XYLT1: variants seen among roughly 807,000 people sequenced by gnomAD.
The protein encoded by XYLT1 is xylosyltransferase 1.
XYLT1 carries 36 observed loss-of-function variants against 91.3 expected under a neutral mutation model. The ratio of observed to expected loss-of-function variants is 0.39; its 90% confidence interval spans 0.30 to 0.52. The LOEUF (loss-of-function observed/expected upper bound fraction) is 0.52, where lower values mean the gene tolerates loss of function less well. Among genes scored for constraint, XYLT1 ranks in the 20% least tolerant of loss-of-function variants. XYLT1 has a pLI of 0.68. For synonymous variants in XYLT1, 588 were observed against 532.0 expected, an observed-to-expected ratio of 1.11 and a Z score of -1.45; for missense variants, 1,242 against 1,284.5, an observed-to-expected ratio of 0.97 and a Z score of 0.51.
intron 10 of XYLT1, among the ~76,000 whole-genome samples, chr16:17,120,698 C>G (rs2030017909): frequency 6.6e-6 from 1 of 152,128 alleles, no homozygotes; most frequent in African/African-American, 2.4e-5. Flanking sequence ...CTCTCTCTCT[C>G]CAGATCTAGA....
Position 17,134,497 on chromosome 16 carries a change from T to A in XYLT1, c.2003A>T (p.His668Leu). ...CCGGCAGCTGTTCTCCCCATCCGTGTGCAGGGACGTCTCGGCCCGTCGAAG... is the reference window on the plus strand; with the variant it reads ...CCGGCAGCTGTTCTCCCCATCCGTGAGCAGGGACGTCTCGGCCCGTCGAAG... ...LGLRRAETSL[H>L]TDGENSCRYY... Residue 668 changes from histidine (H) to leucine (L), a missense_variant, in exon 9 of 12, where the codon CAC (histidine) becomes CTC (leucine). His to Leu is a moderately conservative substitution (Grantham distance 99, BLOSUM62 -3). Coordinates refer to ENST00000261381, the MANE Select transcript of XYLT1 (RefSeq NM_022166.4). 1 of 1,614,154 alleles carries A rather than the reference T, an allele frequency of 6.2e-7. No individual in the cohort carries two copies. The highest frequency in any genetic ancestry group is 1.1e-5 in the South Asian group (1 of 91,084).
chr16:17,240,787 T>A (rs1245445750), intron 3 of XYLT1, among the ~76,000 whole-genome samples: 1 of 152,196 alleles, frequency 6.6e-6, no homozygotes, highest in Non-Finnish European at 1.5e-5. Flanking sequence ...GTATTACACA[T>A]CATTCCATTT....
intron 10 of XYLT1, among the ~76,000 whole-genome samples, chr16:17,124,478 C>G (rs1480207669): frequency 6.6e-6 from 1 of 152,186 alleles, no homozygotes; most frequent in Non-Finnish European, 1.5e-5. Context: ...TGTGAGAAAT[C>G]TGCTGTTAAT....
At chr16:17,351,886 G>A (rs2035225805) in intron 2 of XYLT1, among the ~76,000 whole-genome samples, 1 of 152,134 alleles carries the variant, frequency 6.6e-6, no homozygotes. Flanking sequence ...GCTCATGCCT[G>A]CAATTCCAGC....
At chr16:17,412,240 C>T (rs990370052) in intron 1 of XYLT1, among the ~76,000 whole-genome samples, 12 of 152,048 alleles carry the variant, frequency 7.9e-5, no homozygotes, top group Non-Finnish European at 1.5e-4. Flanking sequence ...AGCCACCGTG[C>T]AGCCCAGGTC....
At chr16:17,407,477 T>C (rs115536112) in intron 1 of XYLT1, among the ~76,000 whole-genome samples, 229 of 152,278 alleles carry the variant, frequency 1.5e-3, no homozygotes, top group African/African-American at 5.2e-3. Context: ...ATATATTTTA[T>C]AGAGATGGGG....
intron 1 of XYLT1, among the ~76,000 whole-genome samples, chr16:17,359,899 T>C (rs2035358312): frequency 6.6e-6 from 1 of 152,216 alleles, no homozygotes; most frequent in Non-Finnish European, 1.5e-5. Context: ...CTGTACTTCC[T>C]GTTTCCCTGT....
At chr16:17,112,259 T>A (rs1267103958) in intron 11 of XYLT1, among the ~76,000 whole-genome samples, 1 of 152,198 alleles carries the variant, frequency 6.6e-6, no homozygotes, top group Admixed American at 6.5e-5. Flanking sequence ...GACGCATCAA[T>A]AGAAAATTAC....
intron 2 of XYLT1, among the ~76,000 whole-genome samples, chr16:17,274,993 A>G (rs1406523060): frequency 3.3e-5 from 5 of 152,128 alleles, no homozygotes; most frequent in African/African-American, 1.2e-4. Context: ...CCTGGCCAAC[A>G]TGGTGAAACC....
chr16:17,284,596 G>C (rs1563653), intron 2 of XYLT1, among the ~76,000 whole-genome samples: 1 of 152,172 alleles, frequency 6.6e-6, no homozygotes, highest in Non-Finnish European at 1.5e-5. Flanking sequence ...CCGGGCAAAA[G>C]GTACCAGGCA....
At chr16:17,200,431 G>T in intron 4 of XYLT1, 51 bp downstream of exon 4, 1 of 1,587,430 alleles carries the variant, frequency 6.3e-7, no homozygotes, top group South Asian at 1.1e-5. Context: ...AGGGAGGGAC[G>T]GACAGACCCC....
intron 11 of XYLT1, among the ~76,000 whole-genome samples, chr16:17,111,798 C>A (rs1009711441): frequency 1.3e-5 from 2 of 152,192 alleles, no homozygotes; most frequent in African/African-American, 4.8e-5. Flanking sequence ...TCATTGAGCA[C>A]ATACTCTGTC....
At chr16:17,266,801 G>A (rs1420998904) in intron 2 of XYLT1, among the ~76,000 whole-genome samples, 2 of 152,204 alleles carry the variant, frequency 1.3e-5, no homozygotes, top group African/African-American at 4.8e-5. Context: ...CAAGGCCACT[G>A]GGAGGGACAA....
chr16:17,378,665 C>T (rs570768857), intron 1 of XYLT1, among the ~76,000 whole-genome samples: 5 of 152,320 alleles, frequency 3.3e-5, no homozygotes, highest in African/African-American at 9.6e-5. Flanking sequence ...CTCTTTGTAA[C>T]TCATGTTTTC....
At chr16:17,379,614 C>G (rs1157721518) in intron 1 of XYLT1, among the ~76,000 whole-genome samples, 1 of 152,184 alleles carries the variant, frequency 6.6e-6, no homozygotes, top group Non-Finnish European at 1.5e-5. Flanking sequence ...GTGATCTGTA[C>G]AGAGGCACTG....
intron 1 of XYLT1, among the ~76,000 whole-genome samples, chr16:17,409,262 C>T (rs1056274729): frequency 2.6e-5 from 4 of 152,166 alleles, no homozygotes; most frequent in African/African-American, 7.2e-5. Context: ...TGAGAGAGGC[C>T]GGCAGTTTGA....
At chr16:17,152,554 C>T (rs61287020) in intron 6 of XYLT1, among the ~76,000 whole-genome samples, 3,804 of 152,306 alleles carry the variant, frequency 0.025, 182 homozygotes, top group African/African-American at 0.087. Context: ...TTCCCGAATG[C>T]GGATTTGCCT....
At chr16:17,109,756 A>C (rs1348526281) in intron 11 of XYLT1, among the ~76,000 whole-genome samples, 1 of 152,184 alleles carries the variant, frequency 6.6e-6, no homozygotes, top group Non-Finnish European at 1.5e-5. Context: ...CTAGCCCTTT[A>C]CAGAAAAATT....
intron 2 of XYLT1, among the ~76,000 whole-genome samples, chr16:17,309,226 C>T (rs1435679870): frequency 6.6e-6 from 1 of 152,156 alleles, no homozygotes; most frequent in Non-Finnish European, 1.5e-5. Context: ...GAGCAGCATC[C>T]TTGGCTCTAC....
Sources: gnomAD v4.1 joint callset for allele counts (sites outside exome capture counted in the v4.1 genomes callset) on GRCh38, gnomAD v4.1.1 for gene constraint, MANE v1.5 for transcripts, NCBI Gene and HGNC (gene_info 2026-07-23, HGNC 2026-07-21) for gene names.